The following NEK1 variants were observed in gnomAD, a reference collection of about 807,000 sequenced individuals.
NEK1 encodes NIMA related kinase 1, also known as serine/threonine-protein kinase Nek1.
A neutral mutation model predicts 182.1 loss-of-function variants in NEK1; 137 were observed. The observed-to-expected ratio is 0.75, with a 90% confidence interval of 0.65 to 0.87. NEK1 has a LOEUF of 0.87. Ranked by LOEUF, NEK1 falls within the 40% of genes least tolerant of loss-of-function variation. The pLI, the probability that NEK1 is intolerant of heterozygous loss-of-function variation, is 0.00. For synonymous variants in NEK1, 513 were observed against 492.2 expected (o/e 1.04, Z -0.56); for missense variants, 1,391 against 1,494.4 (o/e 0.93, Z 1.14).
intron 19 of NEK1, among the ~76,000 whole-genome samples, chr4:169,525,436 T>G (rs1756750803): frequency 6.6e-6 from 1 of 152,168 alleles, no homozygotes; most frequent in South Asian, 2.1e-4. Context: ...AGCCCAAACG[T>G]TATTTTAGAA....
rs542880931 is a variant in NEK1 at position 169,424,340 on chromosome 4, T to TA, written c.3222+212dup. Among the ~76,000 whole-genome samples, 288 of 152,074 alleles carry TA rather than the reference T, an allele frequency of 1.9e-3. 1 individual carries two copies. The highest frequency in any genetic ancestry group is 6.6e-3 in the African/African-American group (273 of 41,496). On this transcript the variant is annotated intron_variant, in intron 31 of 35. Coordinates refer to ENST00000507142, the MANE Select transcript of NEK1 (RefSeq NM_001199397.3). ...CTTTTTGCTCAAGTAAAAGACTCTA[T>TA]AAAAAAAATCCTGAACAGGAAGCCA...
At chr4:169,571,223 A>AAAT (rs1764799990) in intron 12 of NEK1, among the ~76,000 whole-genome samples, 1 of 126,330 alleles carries the variant, frequency 7.9e-6, no homozygotes, top group African/African-American at 2.7e-5. Context: ...AATAAATAAA[A>AAAT]AGAATAAAAG....
chr4:169,395,457 G>A (rs892071428), intron 35 of NEK1, among the ~76,000 whole-genome samples: 1 of 152,144 alleles, frequency 6.6e-6, no homozygotes, highest in African/African-American at 2.4e-5. Context: ...TTCCATGTAT[G>A]AGTACTTATT....
At chr4:169,494,386 T>C (rs1750738096) in intron 23 of NEK1, among the ~76,000 whole-genome samples, 1 of 152,180 alleles carries the variant, frequency 6.6e-6, no homozygotes. Flanking sequence ...CTGAGAATGA[T>C]GGTTTCCAGC....
At chr4:169,523,244 T>C (rs891710714) in intron 19 of NEK1, among the ~76,000 whole-genome samples, 3 of 152,198 alleles carry the variant, frequency 2.0e-5, no homozygotes, top group African/African-American at 7.2e-5. Flanking sequence ...GAGATTGCTA[T>C]GTTGAACTGT....
At chr4:169,424,831 G>A in intron 30 of NEK1, 31 bp from the exon 31 acceptor site, 1 of 1,561,568 alleles carries the variant, frequency 6.4e-7, no homozygotes, top group East Asian at 2.3e-5. Flanking sequence ...TATGTGGTAA[G>A]TCTATACAGT....
intron 16 of NEK1, 42 bp from the exon 17 acceptor site, chr4:169,556,137 G>A (rs1762134993): frequency 1.3e-6 from 2 of 1,560,522 alleles, no homozygotes; most frequent in Non-Finnish European, 8.7e-7. Context: ...TATCTTATAA[G>A]GCCTAACAGG....
In NEK1 at chr4:169,507,066, C is replaced by T. The variant is rs1458058029; in HGVS notation, c.1978G>A (p.Glu660Lys). 11 of 1,608,824 alleles carry T rather than the reference C, an allele frequency of 6.8e-6. No homozygotes were observed. The highest frequency in any genetic ancestry group is 9.3e-6 in the Non-Finnish European group (11 of 1,177,610). ...QLERKRKEAY[E>K]REKKVWEEHL... ...TCTTCCCACACTTTTTTTTCTCTCTCATAAGCCTCCTTTCTCTTTCGTTCT... is the reference window on the plus strand; with the variant it reads ...TCTTCCCACACTTTTTTTTCTCTCTTATAAGCCTCCTTTCTCTTTCGTTCT... Residue 660 changes from glutamate (E) to lysine (K), a missense_variant, in exon 23 of 36, where the codon GAG becomes AAG. This residue lies in a region of NEK1 where 1,216 missense variants were observed against 1,277.6 expected (regional missense o/e 0.95). Transcript: ENST00000507142.
At chr4:169,435,312 C>T (rs1002650979) in intron 28 of NEK1, among the ~76,000 whole-genome samples, 5 of 152,140 alleles carry the variant, frequency 3.3e-5, no homozygotes, top group African/African-American at 1.2e-4. Context: ...ACTCTCATAA[C>T]CTAATTACTT....
intron 19 of NEK1, among the ~76,000 whole-genome samples, chr4:169,527,512 A>G (rs1235342848): frequency 6.6e-6 from 1 of 152,164 alleles, no homozygotes; most frequent in Non-Finnish European, 1.5e-5. Context: ...AGACAACTAT[A>G]CCATAAAGGG....
At chr4:169,591,791 T>C (rs1470750951) in intron 5 of NEK1, among the ~76,000 whole-genome samples, 5 of 152,136 alleles carry the variant, frequency 3.3e-5, no homozygotes, top group African/African-American at 7.2e-5. Flanking sequence ...ACTGATAAAG[T>C]TGACTACATA....
At chr4:169,487,228 T>G (rs1336976448) in intron 23 of NEK1, among the ~76,000 whole-genome samples, 3 of 152,154 alleles carry the variant, frequency 2.0e-5, no homozygotes, top group Admixed American at 6.5e-5. Context: ...GGTAAATGTG[T>G]GCCATGGTGG....
intron 11 of NEK1, among the ~76,000 whole-genome samples, chr4:169,580,234 C>T (rs936285195): frequency 5.9e-5 from 9 of 152,064 alleles, no homozygotes; most frequent in Non-Finnish European, 8.8e-5. Flanking sequence ...CGGTGGCTCA[C>T]GCCTGTAATC....
chr4:169,524,697 C>T (rs1044907515), intron 19 of NEK1, among the ~76,000 whole-genome samples: 11 of 152,110 alleles, frequency 7.2e-5, no homozygotes, highest in African/African-American at 2.2e-4. Flanking sequence ...AAACTATGGT[C>T]CATGGTCCAA....
At chr4:169,465,478 G>A (rs1334396997) in intron 26 of NEK1, among the ~76,000 whole-genome samples, 3 of 152,112 alleles carry the variant, frequency 2.0e-5, no homozygotes, top group Middle Eastern at 6.8e-3. Context: ...GTTTCACAGA[G>A]AGAGAACTCA....
At chr4:169,450,360 C>T (rs895550441) in intron 27 of NEK1, among the ~76,000 whole-genome samples, 5 of 152,042 alleles carry the variant, frequency 3.3e-5, no homozygotes, top group African/African-American at 9.7e-5. Context: ...GAAGAGCAAC[C>T]CCAAGACACA....
chr4:169,555,621 A>G (rs548877797), intron 18 of NEK1, 99 bp downstream of exon 18: 2 of 1,499,420 alleles, frequency 1.3e-6, no homozygotes, highest in African/African-American at 2.8e-5. Flanking sequence ...TCATATGTGA[A>G]CAATGGAGAA....
At chr4:169,540,417 A>T (rs1273203286) in intron 18 of NEK1, among the ~76,000 whole-genome samples, 3 of 152,148 alleles carry the variant, frequency 2.0e-5, no homozygotes, top group Admixed American at 2.0e-4. Context: ...ATTAGTGTTT[A>T]CTACTTCACA....
chr4:169,471,048 C>T (rs1277807435), intron 26 of NEK1, among the ~76,000 whole-genome samples: 1 of 152,160 alleles, frequency 6.6e-6, no homozygotes, highest in Non-Finnish European at 1.5e-5. Context: ...TTCTTAGCTT[C>T]CTTGCATTGG....
Sources: gnomAD v4.1 joint callset for allele counts (sites outside exome capture counted in the v4.1 genomes callset) on GRCh38, gnomAD v4.1.1 for gene constraint, gnomAD v4.1.1 regional missense constraint, MANE v1.5 for transcripts, NCBI Gene and HGNC (gene_info 2026-07-23, HGNC 2026-07-21) for gene names.